SPRED2: variants seen among roughly 807,000 people sequenced by gnomAD.
SPRED2 encodes sprouty related EVH1 domain containing 2, also known as sprouty-related, EVH1 domain-containing protein 2.
SPRED2 carries 47 observed loss-of-function variants against 43.0 expected under a neutral mutation model. The observed-to-expected ratio is 1.09, with a 90% CI of 0.87 to 1.40. SPRED2 has a LOEUF of 1.40. Among genes scored for constraint, SPRED2 ranks in the 40% most tolerant of loss-of-function variants. The probability of loss-of-function intolerance (pLI) is 0.00; values close to 1 mark genes in which losing one functional copy is unlikely to be tolerated. For synonymous variants in SPRED2, 225 were observed against 225.7 expected, an observed-to-expected ratio of 1.00 and a Z score of 0.03; for missense variants, 561 against 586.4, an observed-to-expected ratio of 0.96 and a Z score of 0.45.
Position 65,344,801 on chromosome 2 carries a change from A to T in SPRED2, c.122T>A (p.Val41Asp). The stretch of plus-strand genomic sequence containing the variant: ...GGGGTGCATGACCTTACAGACCCCG[A>T]CGCGACTGATCCCGCCTCCTTCCTG... Reference protein sequence around the residue: ...FPQEGGGISRVGVCKVMHPEG... With the variant: ...FPQEGGGISRDGVCKVMHPEG... The change falls in exon 2 of 6, where the codon GTC (valine) becomes GAC (aspartate). Residue 41 changes from valine to aspartate, a missense_variant. Transcript: ENST00000356388. 6.2e-7 allele frequency: 1 copy of T among 1,614,100 alleles called. No homozygotes were observed. Among genetic ancestry groups the T allele is most frequent in the Non-Finnish European group, 8.5e-7 (1 of 1,180,010 alleles).
intron 1 of SPRED2, 25 bp downstream of exon 1, chr2:65,431,937 C>T (rs1676706485): frequency 6.2e-7 from 1 of 1,613,704 alleles, no homozygotes. Flanking sequence ...GGGGCACCCT[C>T]GTCCCACCCC....
chr2:65,376,714 CT>C (rs1379701119), intron 1 of SPRED2, among the ~76,000 whole-genome samples: 1 of 152,080 alleles, frequency 6.6e-6, no homozygotes. Flanking sequence ...TCTTCACAGT[CT>C]TTCCATATTT....
chr2:65,394,457 C>T lies in SPRED2; in HGVS notation c.26+37505G>A, dbSNP rs117849674. Reference sequence around the variant, plus strand: ...CATTTAAAAGCAGCCTCAATGAACACAAAAACTGAGAATGAGAAAGGCCTC... The same window carrying T: ...CATTTAAAAGCAGCCTCAATGAACATAAAAACTGAGAATGAGAAAGGCCTC... On this transcript the variant is annotated intron_variant, in intron 1 of 5. Transcript: ENST00000356388. 3.5e-4 allele frequency among the ~76,000 whole-genome samples: 53 copies of T among 152,258 alleles called. 1 individual carries two copies. In the East Asian group the frequency reaches 0.01, roughly 29 times the overall value.
In SPRED2 at chr2:65,312,096, C is replaced by A; in HGVS notation, c.*1405G>T. On this transcript the variant is annotated 3_prime_UTR_variant, in exon 6 of 6. Transcript: ENST00000356388. ...CCACTCTTCACTTTTCTTCTTTCTT[C>A]AATAAGAAGATTTGGCTAATCCTTG... The A allele has an allele frequency of 1.0e-6, 1 of 985,390 alleles. No homozygotes were observed. Among genetic ancestry groups the A allele is most frequent in the Non-Finnish European group, 1.2e-6 (1 of 829,910 alleles). 61.0% of individuals were successfully genotyped at this position (985,390 alleles called of 1,614,324 possible). A position where few individuals can be genotyped will look rare whatever the true frequency, so the allele number is the denominator to read the frequency against.
Position 65,379,827 on chromosome 2 carries a change from T to C in SPRED2, c.27-34931A>G, listed in dbSNP as rs368661215. On this transcript the variant is annotated intron_variant, in intron 1 of 5. Transcript: ENST00000356388. ...ACATGGCACCTCTCATTTCCACCTG[T>C]AGGAAATAATACAAAGGTTGCTTGG... is the stretch of plus-strand genomic sequence containing the variant. 5.9e-5 allele frequency among the ~76,000 whole-genome samples: 9 copies of C among 152,286 alleles called. No homozygotes were observed. In the East Asian group the frequency reaches 1.5e-3, roughly 26 times the overall value.
At chr2:65,307,820 G>C (rs1572821060), downstream of SPRED2, among the ~76,000 whole-genome samples, 4 of 152,186 alleles carry the variant, frequency 2.6e-5, no homozygotes, top group South Asian at 8.3e-4. Flanking sequence ...CATGCACCTA[G>C]TTCAGTTCTA....
rs1668866419 is a variant in SPRED2, at chr2:65,431,991, C to T, written c.-4G>A. 1 of 1,613,932 alleles carries T rather than the reference C, an allele frequency of 6.2e-7. No individual in the cohort carries two copies. Among genetic ancestry groups the T allele is most frequent in the Non-Finnish European group, 8.5e-7 (1 of 1,179,952 alleles). On this transcript the variant is annotated 5_prime_UTR_variant, in exon 1 of 6. Transcript: ENST00000356388. Reference sequence around the variant, plus strand: ...CTGGGTGTGTTTCTTCGGTCATTTTCTTGTTCACCTAGACGCCTGTCCCGC... The same window carrying T: ...CTGGGTGTGTTTCTTCGGTCATTTTTTTGTTCACCTAGACGCCTGTCCCGC...
chr2:65,353,711 A>AG (rs1674572211), intron 1 of SPRED2, among the ~76,000 whole-genome samples: 1 of 152,136 alleles, frequency 6.6e-6, no homozygotes, highest in South Asian at 2.1e-4. Context: ...TTTAAACCTC[A>AG]GTTTAAAGGA....
intron 4 of SPRED2, among the ~76,000 whole-genome samples, chr2:65,325,254 C>T (rs942869697): frequency 1.3e-5 from 2 of 152,218 alleles, no homozygotes; most frequent in African/African-American, 4.8e-5. Context: ...GCAGAAATCA[C>T]AATGTGCAAA....
At chr2:65,401,374 A>G (rs1187063558) in intron 1 of SPRED2, among the ~76,000 whole-genome samples, 1 of 152,196 alleles carries the variant, frequency 6.6e-6, no homozygotes. Flanking sequence ...CTTAGCAAGA[A>G]GACCCCCCCA....
chr2:65,407,029 C>T (rs573934026), intron 1 of SPRED2, among the ~76,000 whole-genome samples: 2 of 151,846 alleles, frequency 1.3e-5, no homozygotes, highest in East Asian at 1.9e-4. Flanking sequence ...CCTGGGTTCA[C>T]GCCATTCTCC....
At chr2:65,361,568 G>A (rs1386867639) in intron 1 of SPRED2, among the ~76,000 whole-genome samples, 1 of 152,108 alleles carries the variant, frequency 6.6e-6, no homozygotes, top group Non-Finnish European at 1.5e-5. Flanking sequence ...TTCATCTCTT[G>A]TATTCTAACC....
intron 1 of SPRED2, among the ~76,000 whole-genome samples, chr2:65,376,994 G>A (rs537687032): frequency 5.7e-4 from 87 of 152,252 alleles, no homozygotes; most frequent in South Asian, 5.2e-3. Context: ...GATTACAGGC[G>A]TGAGCCACCA....
intron 1 of SPRED2, among the ~76,000 whole-genome samples, chr2:65,376,596 T>C (rs1464376943): frequency 6.6e-6 from 1 of 152,220 alleles, no homozygotes; most frequent in Non-Finnish European, 1.5e-5. Context: ...TTGCTTTGTG[T>C]ATCCTTCTAG....
intron 1 of SPRED2, among the ~76,000 whole-genome samples, chr2:65,349,308 C>CAAA (rs59019958): frequency 0.025 from 2,062 of 83,290 alleles, 154 homozygotes; most frequent in African/African-American, 0.063. Flanking sequence ...GACTCTGTCT[C>CAAA]AAAAAAAAAA....
chr2:65,313,648 G>A lies in SPRED2; in HGVS notation c.1110C>T (p.Ser370=), dbSNP rs745831467. Residue 370 remains serine (S), a synonymous_variant, in exon 6 of 6, where the codon AGC becomes AGT. Coordinates refer to ENST00000356388, the MANE Select transcript of SPRED2 (RefSeq NM_181784.3). ...TCCACCGGAGGCAAAACTTCTCGTC[G>A]CTAGTATCGCACGAGCAAGGGTCTG... ...DYTDPCSCDT[S]DEKFCLRWMA... is the part of the protein sequence containing the mutation. 87 of 1,614,066 alleles carry A rather than the reference G, an allele frequency of 5.4e-5. No individual in the cohort carries two copies. Among genetic ancestry groups the A allele is most frequent in the Non-Finnish European group, 6.8e-5 (80 of 1,180,030 alleles).
At chr2:65,399,699 T>C (rs191655755) in intron 1 of SPRED2, among the ~76,000 whole-genome samples, 108 of 152,210 alleles carry the variant, frequency 7.1e-4, no homozygotes, top group Admixed American at 6.9e-3. Context: ...AAACTATTAT[T>C]CTAAGTGAAG....
chr2:65,334,812 C>A (rs764429396), intron 2 of SPRED2, 39 bp from the exon 3 acceptor site: 4 of 1,607,998 alleles, frequency 2.5e-6, no homozygotes, highest in Non-Finnish European at 3.4e-6. Context: ...ACTAGTGGAA[C>A]AGCCATGATG....
At chr2:65,368,731 T>G (rs150639358) in intron 1 of SPRED2, among the ~76,000 whole-genome samples, 8 of 152,290 alleles carry the variant, frequency 5.3e-5, no homozygotes, top group African/African-American at 1.9e-4. Flanking sequence ...CAAAATAAAC[T>G]TAAACATTCA....
Sources: gnomAD v4.1 joint callset for allele counts (sites outside exome capture counted in the v4.1 genomes callset) on GRCh38, gnomAD v4.1.1 for gene constraint, MANE v1.5 for transcripts, NCBI Gene and HGNC (gene_info 2026-07-23, HGNC 2026-07-21) for gene names.